Variants in LRP1B observed in about 807,000 individuals in gnomAD.
LRP1B encodes the protein LDL receptor related protein 1B.
A neutral mutation model predicts 556.6 loss-of-function variants in LRP1B; 217 were observed. That is an observed-to-expected ratio of 0.39 (90% CI 0.35 to 0.44). The LOEUF (loss-of-function observed/expected upper bound fraction) is 0.44, where lower values mean the gene tolerates loss of function less well. Ranked by LOEUF, LRP1B falls within the 20% of genes least tolerant of loss-of-function variation. LRP1B has a pLI of 1.00. For missense variants in LRP1B, 5,053 were observed against 5,620.8 expected (o/e 0.90, Z 3.23); for synonymous variants, 2,047 against 1,865.8 (o/e 1.10, Z -2.50).
chr2:141,151,761 C>T (rs1701932551), intron 7 of LRP1B, among the ~76,000 whole-genome samples: 1 of 152,026 alleles, frequency 6.6e-6, no homozygotes, highest in African/African-American at 2.4e-5. Flanking sequence ...TGTCTAGACT[C>T]AGCATTTCTG....
intron 2 of LRP1B, among the ~76,000 whole-genome samples, chr2:141,788,981 C>T (rs1235774425): frequency 4.6e-5 from 7 of 151,890 alleles, no homozygotes; most frequent in Admixed American, 4.6e-4. Flanking sequence ...GTGAATAGTG[C>T]CACAATAAAC....
At chr2:141,654,332 T>C (rs530507541) in intron 2 of LRP1B, among the ~76,000 whole-genome samples, 2 of 152,326 alleles carry the variant, frequency 1.3e-5, no homozygotes, top group East Asian at 1.9e-4. Flanking sequence ...ATAGAATCAC[T>C]GTAATTTCAA....
chr2:141,636,755 G>GA (rs200957259), intron 2 of LRP1B, among the ~76,000 whole-genome samples: 43 of 142,796 alleles, frequency 3.0e-4, no homozygotes, highest in East Asian at 6.1e-4. Flanking sequence ...TGTTAAAAAG[G>GA]AAAAAAAAAA....
At chr2:141,037,235 G>A (rs962114118) in intron 11 of LRP1B, among the ~76,000 whole-genome samples, 3 of 151,986 alleles carry the variant, frequency 2.0e-5, no homozygotes, top group Non-Finnish European at 4.4e-5. Flanking sequence ...GAAAGCTTTG[G>A]CTCCGTAAAG....
At chr2:140,549,158 G>C (rs1680454841) in intron 43 of LRP1B, among the ~76,000 whole-genome samples, 2 of 151,924 alleles carry the variant, frequency 1.3e-5, no homozygotes, top group Non-Finnish European at 2.9e-5. Flanking sequence ...ATCACTTTGA[G>C]ATGTTGTTGA....
chr2:142,129,857 T>G (rs1707786567), intron 1 of LRP1B, among the ~76,000 whole-genome samples: 1 of 152,098 alleles, frequency 6.6e-6, no homozygotes, highest in Non-Finnish European at 1.5e-5. Flanking sequence ...ATGAAAAGTT[T>G]ATAGAATCCC....
intron 83 of LRP1B, among the ~76,000 whole-genome samples, chr2:140,305,592 C>T (rs1684032157): frequency 1.3e-5 from 2 of 152,146 alleles, no homozygotes; most frequent in African/African-American, 2.4e-5. Context: ...ATCATGTTAT[C>T]TGCAAACAGG....
At chr2:141,820,465 C>A (rs1245047321) in intron 1 of LRP1B, among the ~76,000 whole-genome samples, 1 of 152,034 alleles carries the variant, frequency 6.6e-6, no homozygotes, top group African/African-American at 2.4e-5. Context: ...GAAAAATAAA[C>A]CCTATTAGAC....
intron 41 of LRP1B, among the ~76,000 whole-genome samples, chr2:140,616,903 A>G (rs1027708910): frequency 1.3e-5 from 2 of 151,882 alleles, no homozygotes; most frequent in Admixed American, 6.6e-5. Flanking sequence ...CATTTGTCCT[A>G]TTAAACTACT....
intron 3 of LRP1B, among the ~76,000 whole-genome samples, chr2:141,309,320 A>C (rs992946896): frequency 4.6e-5 from 7 of 152,354 alleles, no homozygotes; most frequent in African/African-American, 1.7e-4. Context: ...AAGAATTCTT[A>C]TGGGCTTGGT....
At chr2:141,143,294 T>C (rs959319024) in intron 7 of LRP1B, among the ~76,000 whole-genome samples, 3 of 152,126 alleles carry the variant, frequency 2.0e-5, no homozygotes, top group African/African-American at 7.2e-5. Flanking sequence ...ATGACTGAGT[T>C]CGTCCTGTTT....
At chr2:141,128,190 G>T (rs1701263850) in intron 7 of LRP1B, among the ~76,000 whole-genome samples, 1 of 152,078 alleles carries the variant, frequency 6.6e-6, no homozygotes, top group Non-Finnish European at 1.5e-5. Context: ...AGTAATTTAT[G>T]TTTGGATTTG....
intron 7 of LRP1B, among the ~76,000 whole-genome samples, chr2:141,169,645 T>C (rs1289612720): frequency 6.6e-6 from 1 of 151,650 alleles, no homozygotes; most frequent in African/African-American, 2.4e-5. Context: ...AAAACAAAAG[T>C]TTGAGACTTC....
At position 140,995,613 on chromosome 2, in the gene LRP1B, A is replaced by G. The variant is rs141555588; in HGVS notation, c.2504-1478T>C. The stretch of plus-strand genomic sequence containing the variant: ...GAATTTTACTACCTCCATCTTATAA[A>G]TAAGTACACTGAGAATTAAAATAAA... On this transcript the variant is annotated intron_variant, in intron 15 of 90. Transcript: ENST00000389484. Among the ~76,000 whole-genome samples, 214 of 152,178 alleles carry G rather than the reference A, an allele frequency of 1.4e-3. 7 individuals carry two copies. Among genetic ancestry groups the G allele is most frequent in the Admixed American group, 0.012 (186 of 15,250 alleles).
chr2:140,787,256 G>T (rs1336809904), intron 32 of LRP1B, among the ~76,000 whole-genome samples: 1 of 152,064 alleles, frequency 6.6e-6, no homozygotes, highest in African/African-American at 2.4e-5. Context: ...GTTTCCAAAA[G>T]GATAAATCCC....
At chr2:140,438,843 G>A (rs1305494043) in intron 66 of LRP1B, among the ~76,000 whole-genome samples, 1 of 152,134 alleles carries the variant, frequency 6.6e-6, no homozygotes, top group African/African-American at 2.4e-5. Context: ...TAAGCAGAAA[G>A]CAAGACGACA....
At position 140,335,835 on chromosome 2, in the gene LRP1B, G is replaced by A. The variant is rs749925468; in HGVS notation, c.11896C>T (p.Pro3966Ser). The A allele has an allele frequency of 6.2e-7, 1 of 1,600,582 alleles. No homozygotes were observed. Among genetic ancestry groups the A allele is most frequent in the Non-Finnish European group, 8.6e-7 (1 of 1,169,136 alleles). Residue 3966 changes from proline to serine, a missense_variant, in exon 78 of 91, where the codon CCT becomes TCT. Coordinates refer to ENST00000389484, the MANE Select transcript of LRP1B (RefSeq NM_018557.3). The stretch of plus-strand genomic sequence containing the variant: ...ATGTCCCTGGGCCTTTTAAATTCAG[G>A]ACACTACAAGGAAACAAAACAACAC... ...KRQANSGLIC[P>S]EFKRPRDIAV... is the part of the protein sequence containing the mutation.
chr2:141,896,700 T>C (rs1469271424), intron 1 of LRP1B, among the ~76,000 whole-genome samples: 1 of 152,202 alleles, frequency 6.6e-6, no homozygotes, highest in African/African-American at 2.4e-5. Context: ...ATATTTAGAT[T>C]TTTGTTGACA....
At chr2:140,482,645 G>A (rs6713328) in intron 59 of LRP1B, among the ~76,000 whole-genome samples, 66,959 of 151,662 alleles carry the variant, frequency 0.44, 15,118 homozygotes, top group Middle Eastern at 0.62. Context: ...GTATCTTTAC[G>A]TTCCTACTAA....
Sources: allele counts gnomAD v4.1 joint callset (sites outside exome capture counted in the v4.1 genomes callset), GRCh38; gene constraint gnomAD v4.1.1; transcripts MANE v1.5; gene names NCBI Gene and HGNC (gene_info 2026-07-23, HGNC 2026-07-21).